The following COCH variants were observed in gnomAD, a reference collection of about 807,000 sequenced individuals.
The protein encoded by COCH is coagulation factor C homolog, cochlin (Limulus polyphemus).
COCH carries 40 observed loss-of-function variants against 54.8 expected under a neutral mutation model. That is an observed-to-expected ratio of 0.73 (90% CI 0.57 to 0.95). COCH has a LOEUF of 0.95. Among genes scored for constraint, COCH ranks in the 40% least tolerant of loss-of-function variants. The probability of loss-of-function intolerance (pLI) is 0.00; values close to 1 mark genes in which losing one functional copy is unlikely to be tolerated. For synonymous variants in COCH, 256 were observed against 237.9 expected, an observed-to-expected ratio of 1.08 and a Z score of -0.70; for missense variants, 605 against 675.0, an observed-to-expected ratio of 0.90 and a Z score of 1.15.
In COCH at chr14:30,877,445, G is replaced by T; in HGVS notation, c.83-127G>T. The T allele has an allele frequency of 8.1e-7, 1 of 1,230,508 alleles. No homozygotes were observed. Among genetic ancestry groups the T allele is most frequent in the African/African-American group, 1.5e-5 (1 of 67,044 alleles). 76.2% of individuals were successfully genotyped at this position (1,230,508 alleles called of 1,614,324 possible). ...TGGAATGGTATGGAAGGGTATATAA[G>T]TCAATAGTCATAACTAGAAGTGTAG... On this transcript the variant is annotated intron_variant, in intron 3 of 11. Transcript: ENST00000396618. The surrounding 1 kb of genome is among the most constrained non-coding windows in gnomAD (Gnocchi z 8.6).
At chr14:30,878,689 G>A in intron 4 of COCH, 122 bp from the exon 5 acceptor site, 1 of 1,374,266 alleles carries the variant, frequency 7.3e-7, no homozygotes, top group Non-Finnish European at 1.0e-6. Flanking sequence ...ATCTTTAGAT[G>A]ACTTCCCTGA....
intron 9 of COCH, 62 bp from the exon 10 acceptor site, chr14:30,885,304 TAAACTTTGCAGCATCAAATGCTACAGGG>T: frequency 1.7e-6 from 2 of 1,189,054 alleles, no homozygotes; most frequent in Non-Finnish European, 2.5e-6. Context: ...ATATAATTCT[TAAACTTTGCAGCATCAAATGCTACAGGG>T]AAACAGAAAT....
downstream of COCH, among the ~76,000 whole-genome samples, chr14:30,893,062 A>G (rs961056875): frequency 2.0e-5 from 3 of 152,066 alleles, no homozygotes; most frequent in East Asian, 1.9e-4. Flanking sequence ...GTTTAACATT[A>G]TAAGACAACT....
At chr14:30,884,209 A>C (rs2138868885) in intron 8 of COCH, among the ~76,000 whole-genome samples, 1 of 152,354 alleles carries the variant, frequency 6.6e-6, no homozygotes, top group East Asian at 1.9e-4. Context: ...GCTGTGTTTC[A>C]TCAGGCAAAC....
downstream of COCH, chr14:30,895,406 T>C (rs376127859): frequency 5.7e-6 from 9 of 1,590,408 alleles, no homozygotes; most frequent in East Asian, 2.2e-5. Context: ...CAAGTTTTTG[T>C]TGATTCATAC....
At chr14:30,875,689 G>C (rs757599391) in intron 3 of COCH, 2 of 188,680 alleles carry the variant, frequency 1.1e-5, no homozygotes, top group Non-Finnish European at 2.1e-5. Flanking sequence ...TGGGTGTGTG[G>C]TTTGGTGTAT....
In COCH at chr14:30,885,768, GA is replaced by G. The variant is rs779113407; in HGVS notation, c.961-27del. ...GAAGAAACAACTTTTGATCCTTTTG[GA>G]TATCTTTTATGTGTCTCCCCCATTA... On this transcript the variant is annotated intron_variant, in intron 10 of 11. Transcript: ENST00000396618. 1,831 of 1,612,794 alleles carry G rather than the reference GA, an allele frequency of 1.1e-3. 2 individuals are homozygous for G. Among genetic ancestry groups the G allele is most frequent in the South Asian group, 1.4e-3 (130 of 91,040 alleles).
At chr14:30,895,096 A>G (rs1170424637), downstream of COCH, 5 of 275,104 alleles carry the variant, frequency 1.8e-5, no homozygotes, top group African/African-American at 4.6e-5. Flanking sequence ...GAAGAAGAGA[A>G]AAAAAAAAAC....
chr14:30,877,851 A>G lies in COCH; in HGVS notation c.239+123A>G. The stretch of plus-strand genomic sequence containing the variant: ...TTTTGTTGCCATTGTGGCCACAGAA[A>G]ATGGATATATTTTCACGGTTCTCCT... On this transcript the variant is annotated intron_variant, in intron 4 of 11. Transcript: ENST00000396618. This position sits in a 1 kb window ranked among gnomAD's most constrained non-coding sequence, Gnocchi z 8.6. The G allele has an allele frequency of 6.6e-7, 1 of 1,506,890 alleles. No individual in the cohort carries two copies. Among genetic ancestry groups the G allele is most frequent in the African/African-American group, 1.4e-5 (1 of 72,898 alleles). 93.3% of individuals were successfully genotyped at this position (1,506,890 alleles called of 1,614,324 possible). A position where few individuals can be genotyped will look rare whatever the true frequency, so the allele number is the denominator to read the frequency against.
chr14:30,875,239 G>C, intron 3 of COCH, 136 bp downstream of exon 3: 1 of 1,245,536 alleles, frequency 8.0e-7, no homozygotes, highest in Non-Finnish European at 1.1e-6. Context: ...GAGCCGCCGC[G>C]TGGCGCGCCC....
Position 30,877,002 on chromosome 14 carries a change from CTTGCTATG to C in COCH, c.83-566_83-559del, listed in dbSNP as rs1895380634. ...TTTTTTTTTTTAGAAGAGATGAGGT[CTTGCTATG>C]TTGTCCAGACTGGTCTTGACCTCCT... On this transcript the variant is annotated intron_variant, in intron 3 of 11. Transcript: ENST00000396618. This position sits in a 1 kb window ranked among gnomAD's most constrained non-coding sequence, Gnocchi z 8.6. Among the ~76,000 whole-genome samples the C allele has an allele frequency of 6.6e-6, 1 of 151,892 alleles. No individual in the cohort carries two copies. Among genetic ancestry groups the C allele is most frequent in the African/African-American group, 2.4e-5 (1 of 41,346 alleles).
rs1046194994 is a variant in COCH, at chr14:30,885,691, A to T, written c.960+71A>T. On this transcript the variant is annotated intron_variant, in intron 10 of 11. Transcript: ENST00000396618. ...TTTTGGACCTCTAAGTGCAGTGCTG[A>T]CTGCCTCTTATCTAGATTAACTTGA... The T allele has an allele frequency of 1.1e-5, 17 of 1,492,478 alleles. No individual in the cohort carries two copies. The South Asian group carries it at 1.6e-4, about 14-fold the overall frequency. 92.5% of individuals were successfully genotyped at this position (1,492,478 alleles called of 1,614,324 possible).
At position 30,882,321 on chromosome 14, in the gene COCH, G is replaced by T. The variant is rs1014331145; in HGVS notation, c.629+1587G>T. Among the ~76,000 whole-genome samples, 6 of 151,378 alleles carry T rather than the reference G, an allele frequency of 4.0e-5. No individual in the cohort carries two copies. In the East Asian group the frequency reaches 9.7e-4, roughly 24 times the overall value. ...ATTTTTGTATTTTTAGTAGAGACAA[G>T]GTTTCACCATGTTGGCCAGCCTGGT... is the stretch of plus-strand genomic sequence containing the variant. On this transcript the variant is annotated intron_variant, in intron 8 of 11. Coordinates refer to ENST00000396618, the MANE Select transcript of COCH (RefSeq NM_004086.3).
intron 1 of COCH, 116 bp from the exon 2 acceptor site, chr14:30,874,800 C>A: frequency 3.1e-6 from 3 of 961,256 alleles, no homozygotes; most frequent in Non-Finnish European, 4.9e-6. Context: ...AGCGGGTCGT[C>A]TGTGTCCTCT....
chr14:30,890,521 C>A lies in COCH; in HGVS notation c.*730C>A. On this transcript the variant is annotated 3_prime_UTR_variant, in exon 12 of 12. Transcript: ENST00000396618. ...AAGTTGGTAAAGTATTTACTGACTG[C>A]TTATAAACATTTAAAGACAAAGACA... 1 of 933,334 alleles carries A rather than the reference C, an allele frequency of 1.1e-6. No homozygotes were observed. Among genetic ancestry groups the A allele is most frequent in the Non-Finnish European group, 1.3e-6 (1 of 782,322 alleles). The allele number at this position is 933,334 out of a possible 1,614,324, so 57.8% of individuals were successfully genotyped here.
intron 3 of COCH, among the ~76,000 whole-genome samples, chr14:30,876,736 C>T (rs1895367481): frequency 6.6e-6 from 1 of 152,166 alleles, no homozygotes; most frequent in Non-Finnish European, 1.5e-5. Flanking sequence ...AGGCTCAATC[C>T]AGATTTACTA....
At chr14:30,893,781 A>T (rs1896056039), downstream of COCH, 1 of 152,592 alleles carries the variant, frequency 6.6e-6, no homozygotes, top group South Asian at 2.1e-4. Context: ...ACAGCATAAA[A>T]ATGAAGGACT....
chr14:30,890,451 G>A lies in COCH; in HGVS notation c.*660G>A, dbSNP rs1427997880. 1.1e-6 allele frequency: 1 copy of A among 952,188 alleles called. No homozygotes were observed. Among genetic ancestry groups the A allele is most frequent in the African/African-American group, 1.8e-5 (1 of 56,458 alleles). The allele number at this position is 952,188 out of a possible 1,614,324, so 59.0% of individuals were successfully genotyped here. On this transcript the variant is annotated 3_prime_UTR_variant, in exon 12 of 12. Transcript: ENST00000396618. ...CTCTCCTTAATTTTATATGTATATA[G>A]ATATATTTGGCTTATATTCTAAGTC...
chr14:30,890,570 AT>A lies in COCH; in HGVS notation c.*781del, dbSNP rs1266904087. On this transcript the variant is annotated 3_prime_UTR_variant, in exon 12 of 12. Transcript: ENST00000396618. ...CATTTCAAATAACTGCAGAAAAAAT[AT>A]TGTAGTTTGAATATTTAAGCAATAA... 2.1e-6 allele frequency: 2 copies of A among 968,658 alleles called. No individual in the cohort carries two copies. Among genetic ancestry groups the A allele is most frequent in the Non-Finnish European group, 2.5e-6 (2 of 814,440 alleles). 60.0% of individuals were successfully genotyped at this position (968,658 alleles called of 1,614,324 possible).
Sources: allele counts gnomAD v4.1 joint callset (sites outside exome capture counted in the v4.1 genomes callset), GRCh38; gene constraint gnomAD v4.1.1; non-coding constraint Gnocchi (gnomAD v3.1); transcripts MANE v1.5; gene names NCBI Gene and HGNC (gene_info 2026-07-23, HGNC 2026-07-21).